The following DCC variants were observed in gnomAD, a reference collection of about 807,000 sequenced individuals.
The protein encoded by DCC is netrin receptor DCC.
A neutral mutation model predicts 172.5 loss-of-function variants in DCC; 58 were observed. The observed-to-expected ratio is 0.34, with a 90% CI of 0.27 to 0.42. The LOEUF is 0.42. DCC is among the 10% of genes least tolerant of loss of function. The pLI is 1.00. For missense variants in DCC, 1,740 were observed against 1,791.0 expected (o/e 0.97, Z 0.51); for synonymous variants, 709 against 644.5 (o/e 1.10, Z -1.52).
intron 5 of DCC, among the ~76,000 whole-genome samples, chr18:53,059,415 G>A (rs2042462506): frequency 6.6e-6 from 1 of 152,042 alleles, no homozygotes; most frequent in African/African-American, 2.4e-5. Flanking sequence ...AGTCACGTGT[G>A]GATGATAAGT....
intron 1 of DCC, among the ~76,000 whole-genome samples, chr18:52,532,963 AC>A (rs1226483106): frequency 6.6e-6 from 1 of 151,698 alleles, no homozygotes; most frequent in African/African-American, 2.4e-5. Context: ...ACCTCTCACC[AC>A]CCCAGTCCCT....
chr18:53,414,345 T>C (rs768390656), intron 20 of DCC, among the ~76,000 whole-genome samples: 1 of 152,068 alleles, frequency 6.6e-6, no homozygotes, highest in Non-Finnish European at 1.5e-5. Context: ...TATACTGTGT[T>C]TTTACCACAA....
intron 12 of DCC, among the ~76,000 whole-genome samples, chr18:53,276,929 T>C (rs922147435): frequency 1.3e-5 from 2 of 151,932 alleles, no homozygotes; most frequent in African/African-American, 4.8e-5. Flanking sequence ...CTTGAAGCCA[T>C]GGGAAATAAT....
intron 5 of DCC, among the ~76,000 whole-genome samples, chr18:53,040,698 T>C (rs2042157063): frequency 1.3e-5 from 2 of 151,898 alleles, no homozygotes; most frequent in African/African-American, 2.4e-5. Context: ...AAACAAACCA[T>C]CATAGCACAC....
chr18:52,419,399 A>C (rs1987168119), intron 1 of DCC: 1 of 152,172 alleles, frequency 6.6e-6, no homozygotes, highest in African/African-American at 2.4e-5. Context: ...CATAGAAAAC[A>C]AGTTTTCATC....
chr18:53,205,511 A>G, intron 10 of DCC, 147 bp downstream of exon 10: 2 of 809,244 alleles, frequency 2.5e-6, no homozygotes, highest in Non-Finnish European at 4.3e-6. Context: ...GATTAGTTTT[A>G]AAGCACTTGT....
intron 1 of DCC, among the ~76,000 whole-genome samples, chr18:52,739,969 C>T (rs921826464): frequency 1.3e-5 from 2 of 152,082 alleles, no homozygotes; most frequent in Non-Finnish European, 1.5e-5. Context: ...AGGAAAGGCT[C>T]TAATTAGAAT....
intron 2 of DCC, among the ~76,000 whole-genome samples, chr18:52,893,545 C>T (rs1344197576): frequency 6.6e-6 from 1 of 152,010 alleles, no homozygotes; most frequent in Admixed American, 6.6e-5. Flanking sequence ...AATGTCTTGC[C>T]AAGTTTCTTT....
At chr18:53,119,505 A>G (rs1045043488) in intron 7 of DCC, among the ~76,000 whole-genome samples, 1 of 151,986 alleles carries the variant, frequency 6.6e-6, no homozygotes, top group South Asian at 2.1e-4. Flanking sequence ...ACTCTTGTAG[A>G]AATTAGAAAC....
chr18:53,297,986 G>A (rs566725326), intron 12 of DCC, among the ~76,000 whole-genome samples: 3 of 152,090 alleles, frequency 2.0e-5, no homozygotes, highest in African/African-American at 7.2e-5. Flanking sequence ...TTTCACTCCT[G>A]GTGTGTTGAG....
chr18:52,937,521 T>C (rs572083612), intron 5 of DCC, among the ~76,000 whole-genome samples: 3 of 152,220 alleles, frequency 2.0e-5, no homozygotes, highest in African/African-American at 7.2e-5. Flanking sequence ...GATTGTGACT[T>C]TATTTGGTGA....
At chr18:53,440,408 C>T (rs1248952000) in intron 22 of DCC, among the ~76,000 whole-genome samples, 2 of 151,442 alleles carry the variant, frequency 1.3e-5, no homozygotes, top group Non-Finnish European at 2.9e-5. Flanking sequence ...AATAGATCAA[C>T]ATTATTAATT....
At chr18:52,681,470 G>A (rs1291732133) in intron 1 of DCC, among the ~76,000 whole-genome samples, 1 of 152,048 alleles carries the variant, frequency 6.6e-6, no homozygotes, top group African/African-American at 2.4e-5. Flanking sequence ...ATTCTAAATA[G>A]GGATAACATT....
intron 14 of DCC, among the ~76,000 whole-genome samples, chr18:53,325,004 C>T (rs1045178886): frequency 6.6e-6 from 1 of 151,714 alleles, no homozygotes; most frequent in Non-Finnish European, 1.5e-5. Context: ...ACCAGCCTGG[C>T]CAACATGGTG....
At chr18:53,063,534 T>TG (rs1555703800) in intron 6 of DCC, 75 bp downstream of exon 6, 7 of 1,210,716 alleles carry the variant, frequency 5.8e-6, no homozygotes, top group African/African-American at 1.6e-5. Context: ...TTTTATTTCT[T>TG]GAAAAAAAAA....
intron 8 of DCC, among the ~76,000 whole-genome samples, chr18:53,168,687 T>A (rs529089382): frequency 6.6e-6 from 1 of 152,154 alleles, no homozygotes; most frequent in Admixed American, 6.6e-5. Flanking sequence ...ACCTACACGT[T>A]CTGCACATGT....
At chr18:53,094,454 T>C (rs2043056233) in intron 7 of DCC, among the ~76,000 whole-genome samples, 1 of 152,238 alleles carries the variant, frequency 6.6e-6, no homozygotes. Context: ...ATCTGAAAGA[T>C]TCATCAGCAT....
chr18:53,328,980 G>T (rs1449693292), intron 14 of DCC, among the ~76,000 whole-genome samples: 3 of 152,112 alleles, frequency 2.0e-5, no homozygotes, highest in Non-Finnish European at 4.4e-5. Flanking sequence ...GGGAACAGAT[G>T]TATCCATTTC....
At chr18:53,243,869 A>T (rs989401912) in intron 12 of DCC, among the ~76,000 whole-genome samples, 1 of 152,190 alleles carries the variant, frequency 6.6e-6, no homozygotes, top group African/African-American at 2.4e-5. Flanking sequence ...TAAATATTTT[A>T]TAAACTCAAC....
Sources: gnomAD v4.1 joint callset for allele counts (sites outside exome capture counted in the v4.1 genomes callset) on GRCh38, gnomAD v4.1.1 for gene constraint, MANE v1.5 for transcripts, NCBI Gene and HGNC (gene_info 2026-07-23, HGNC 2026-07-21) for gene names.